Variants in KIF18A observed in about 807,000 individuals in gnomAD.
KIF18A encodes the protein kinesin family member 18A, also known as kinesin-like protein KIF18A.
A neutral mutation model predicts 103.3 loss-of-function variants in KIF18A; 67 were observed. The ratio of observed to expected loss-of-function variants is 0.65; its 90% CI spans 0.53 to 0.79. The LOEUF is 0.79. Ranked by LOEUF, KIF18A falls within the 30% of genes least tolerant of loss-of-function variation. The probability of loss-of-function intolerance (pLI) is 0.00; values close to 1 mark genes in which losing one functional copy is unlikely to be tolerated. For synonymous variants in KIF18A, 367 were observed against 355.5 expected, an observed-to-expected ratio of 1.03 and a Z score of -0.36; for missense variants, 1,032 against 1,062.5, an observed-to-expected ratio of 0.97 and a Z score of 0.40.
At chr11:28,033,493 T>C (rs1326372054) in intron 15 of KIF18A, among the ~76,000 whole-genome samples, 2 of 151,544 alleles carry the variant, frequency 1.3e-5, no homozygotes, top group African/African-American at 2.4e-5. Context: ...AAAAAGAAAA[T>C]ATAGTACCTA....
chr11:28,095,347 A>G (rs1021137532), intron 2 of KIF18A, among the ~76,000 whole-genome samples: 10 of 152,164 alleles, frequency 6.6e-5, no homozygotes, highest in Non-Finnish European at 1.0e-4. Flanking sequence ...CCTCTACTTG[A>G]TCCAGCTGGA....
chr11:28,083,293 G>A, intron 7 of KIF18A, 50 bp from the exon 8 acceptor site: 1 of 1,495,914 alleles, frequency 6.7e-7, no homozygotes, highest in Non-Finnish European at 8.9e-7. Flanking sequence ...AATAATCACA[G>A]AGATAAATAC....
At chr11:28,082,575 A>C (rs532770048) in intron 9 of KIF18A, among the ~76,000 whole-genome samples, 1 of 152,290 alleles carries the variant, frequency 6.6e-6, no homozygotes, top group South Asian at 2.1e-4. Context: ...ACTATAGTGT[A>C]GTGTAAACAT....
chr11:28,088,662 C>A lies in KIF18A; in HGVS notation c.759G>T (p.Lys253Asn). The A allele has an allele frequency of 6.2e-7, 1 of 1,614,002 alleles. No homozygotes were observed. The highest frequency in any genetic ancestry group is 1.1e-5 in the South Asian group (1 of 91,072). ...ASINQNVRIA[K>N]MSLIDLAGSE... The stretch of plus-strand genomic sequence containing the variant: ...ATCCTGCCAGGTCAATGAGTGACAT[C>A]TTGGCAATACGGACATTTTGATTGA... Residue 253 changes from lysine to asparagine, a missense_variant, in exon 6 of 17, where the codon AAG (lysine) becomes AAT (asparagine). Transcript: ENST00000263181.
intron 13 of KIF18A, among the ~76,000 whole-genome samples, chr11:28,043,329 G>C (rs1850584887): frequency 6.6e-6 from 1 of 151,812 alleles, no homozygotes; most frequent in African/African-American, 2.4e-5. Flanking sequence ...CTGGGCTGTT[G>C]GATCAGTGGA....
intron 15 of KIF18A, among the ~76,000 whole-genome samples, chr11:28,027,107 C>T (rs190689317): frequency 7.2e-5 from 11 of 151,856 alleles, no homozygotes; most frequent in African/African-American, 1.4e-4. Context: ...CTTGTAAATT[C>T]GCTTCCTGTT....
chr11:28,025,793 A>G (rs1312249083), intron 15 of KIF18A, among the ~76,000 whole-genome samples: 1 of 151,996 alleles, frequency 6.6e-6, no homozygotes, highest in African/African-American at 2.4e-5. Context: ...GTTGTGCACA[A>G]AACATATTCC....
Position 28,082,860 on chromosome 11 carries a change from C to T in KIF18A, c.1258G>A (p.Glu420Lys), listed in dbSNP as rs898817635. ...MISNPQEKEI[E>K]RFQEILNCLF... ...AGATCTTAATGTAATGTTTACCTTT[C>T]GATTTCTTTTTCCTGAGGGTTTGAA... The change falls in exon 9 of 17, where the codon GAA becomes AAA. Residue 420 changes from glutamate (E) to lysine (K), a missense_variant. Transcript: ENST00000263181. 6 of 1,559,492 alleles carry T rather than the reference C, an allele frequency of 3.8e-6. No homozygotes were observed. The highest frequency in any genetic ancestry group is 2.3e-5 in the East Asian group (1 of 44,394).
At chr11:28,060,830 AT>A in intron 12 of KIF18A, among the ~76,000 whole-genome samples, 1 of 152,206 alleles carries the variant, frequency 6.6e-6, no homozygotes, top group East Asian at 1.9e-4. Context: ...CCAGCTCCCA[AT>A]AAAAACCTGG....
Position 28,069,261 on chromosome 11 carries a change from T to G in KIF18A, c.1588A>C (p.Lys530Gln), listed in dbSNP as rs1333137413. 3 of 1,611,160 alleles carry G rather than the reference T, an allele frequency of 1.9e-6. No individual in the cohort carries two copies. Among genetic ancestry groups the G allele is most frequent in the Non-Finnish European group, 2.5e-6 (3 of 1,177,558 alleles). Residue 530 changes from lysine to glutamine, a missense_variant and splice_region_variant, in exon 11 of 17, where the codon AAG becomes CAG. By Grantham distance (53) the Lys-to-Gln change is moderately conservative. Coordinates refer to ENST00000263181, the MANE Select transcript of KIF18A (RefSeq NM_031217.4). The part of the protein sequence containing the change: ...GLLSQNGHIP[K>Q]ELKKDLHCHH... Reference sequence around the variant, plus strand: ...TGAACATACAGAGATATTTGTACCTTTGGAATATGACCGTTTTGACTTAAG... The same window carrying G: ...TGAACATACAGAGATATTTGTACCTGTGGAATATGACCGTTTTGACTTAAG...
intron 13 of KIF18A, among the ~76,000 whole-genome samples, chr11:28,039,373 T>A (rs1850531346): frequency 6.6e-6 from 1 of 151,758 alleles, no homozygotes; most frequent in South Asian, 2.1e-4. Flanking sequence ...ACCACAGGTA[T>A]TATTGAAACA....
Position 28,023,746 on chromosome 11 carries a change from G to A in KIF18A, c.2609C>T (p.Thr870Ile). The change falls in exon 16 of 17, where the codon ACA (threonine) becomes ATA (isoleucine). Residue 870 changes from threonine (T) to isoleucine (I), a missense_variant. Transcript: ENST00000263181. ...SEKHLQENKP[T>I]MEHKRNICKI... Reference sequence around the variant, plus strand: ...AATTAAAAGCTGAGACATACCCATTGTTGGTTTGTTTTCTTGTAAGTGCTT... The same window carrying A: ...AATTAAAAGCTGAGACATACCCATTATTGGTTTGTTTTCTTGTAAGTGCTT... 1.9e-6 allele frequency: 3 copies of A among 1,584,314 alleles called. No homozygotes were observed. Among genetic ancestry groups the A allele is most frequent in the Middle Eastern group, 1.7e-4 (1 of 6,000 alleles).
Position 28,021,086 on chromosome 11 carries a change from C to T in KIF18A, c.*114G>A. The T allele has an allele frequency of 2.9e-6, 3 of 1,039,452 alleles. No homozygotes were observed. Among genetic ancestry groups the T allele is most frequent in the Non-Finnish European group, 3.7e-6 (3 of 807,610 alleles). The allele number at this position is 1,039,452 out of a possible 1,614,324, so 64.4% of individuals were successfully genotyped here. ...TGCTTGCTGAAAGTACTTGGGTAAA[C>T]TTAGCTTTAAGATGGGTCTTCTTTC... is the stretch of plus-strand genomic sequence containing the variant. On this transcript the variant is annotated 3_prime_UTR_variant, in exon 17 of 17. Transcript: ENST00000263181.
At chr11:28,059,256 T>A (rs1850827436) in intron 12 of KIF18A, 95 bp from the exon 13 acceptor site, 1 of 843,656 alleles carries the variant, frequency 1.2e-6, no homozygotes, top group Non-Finnish European at 1.9e-6. Flanking sequence ...CATTAGCATA[T>A]CATTAAAATA....
chr11:28,090,777 T>A, intron 4 of KIF18A, 50 bp from the exon 5 acceptor site: 2 of 842,168 alleles, frequency 2.4e-6, no homozygotes, highest in South Asian at 1.5e-5. Flanking sequence ...AATATATCTT[T>A]AAATTTTTCA....
intron 11 of KIF18A, among the ~76,000 whole-genome samples, chr11:28,066,435 C>T (rs1156568414): frequency 6.6e-6 from 1 of 151,840 alleles, no homozygotes; most frequent in Non-Finnish European, 1.5e-5. Context: ...GCCTCTATGG[C>T]TTTATATGGA....
At position 28,059,108 on chromosome 11, in the gene KIF18A, T is replaced by A; in HGVS notation, c.1766A>T (p.Glu589Val). 6.2e-7 allele frequency: 1 copy of A among 1,614,088 alleles called. No individual in the cohort carries two copies. The highest frequency in any genetic ancestry group is 1.7e-5 in the Admixed American group (1 of 60,014). Residue 589 changes from glutamate to valine, a missense_variant, in exon 13 of 17, where the codon GAA (glutamate) becomes GTA (valine). By Grantham distance (121) the Glu-to-Val change is moderately radical. Coordinates refer to ENST00000263181, the MANE Select transcript of KIF18A (RefSeq NM_031217.4). The part of the protein sequence containing the change: ...TLRKQYCTLK[E>V]AGLSNAAFES... ...AAAAGCAGCATTTGACAGGCCGGCT[T>A]CTTTTAATGTGCAATATTGTTTTCT...
intron 12 of KIF18A, among the ~76,000 whole-genome samples, chr11:28,061,850 T>C (rs1175678217): frequency 1.3e-5 from 2 of 152,108 alleles, no homozygotes; most frequent in African/African-American, 4.8e-5. Flanking sequence ...AAAAAAAAGA[T>C]TAAGCCATAC....
intron 13 of KIF18A, among the ~76,000 whole-genome samples, chr11:28,038,978 A>G (rs1850527040): frequency 6.6e-6 from 1 of 151,618 alleles, no homozygotes; most frequent in Admixed American, 6.6e-5. Context: ...GAGAGGCAGC[A>G]GGGGTATAGG....
Sources: allele counts gnomAD v4.1 joint callset (sites outside exome capture counted in the v4.1 genomes callset), GRCh38; gene constraint gnomAD v4.1.1; transcripts MANE v1.5; gene names NCBI Gene and HGNC (gene_info 2026-07-23, HGNC 2026-07-21).